KAZN: variants seen among roughly 807,000 people sequenced by gnomAD.
KAZN encodes kazrin, periplakin interacting protein.
In KAZN, 40 loss-of-function variants were observed where a neutral mutation model predicts 87.4. The ratio of observed to expected loss-of-function variants is 0.46; its 90% CI spans 0.36 to 0.60. The LOEUF is 0.60. Ranked by LOEUF, KAZN falls within the 20% of genes least tolerant of loss-of-function variation. The probability of loss-of-function intolerance (pLI) is 0.00; values close to 1 mark genes in which losing one functional copy is unlikely to be tolerated. For missense variants in KAZN, 898 were observed against 1,073.9 expected, an observed-to-expected ratio of 0.84 and a Z score of 2.29; for synonymous variants, 466 against 458.3, an observed-to-expected ratio of 1.02 and a Z score of -0.22.
At position 15,044,141 on chromosome 1, in the gene KAZN, G is replaced by A; in HGVS notation, c.708G>A (p.Leu236=). 3.1e-6 allele frequency: 5 copies of A among 1,608,154 alleles called. No homozygotes were observed. The highest frequency in any genetic ancestry group is 4.2e-6 in the Non-Finnish European group (5 of 1,177,150). ...LDLKDNRMKE[L]EAELAMAKQS... is the part of the protein sequence containing the mutation. ...TCAAGGACAACCGGATGAAGGAGCT[G>A]GAGGCCGAGCTGGCCATGGTGAGAA... The change falls in exon 4 of 15, where the codon CTG becomes CTA. Residue 236 remains leucine, a synonymous_variant. Coordinates refer to ENST00000376030, the MANE Select transcript of KAZN (RefSeq NM_201628.3).
At chr1:14,853,646 T>C (rs565874881) in intron 1 of KAZN, among the ~76,000 whole-genome samples, 63 of 152,256 alleles carry the variant, frequency 4.1e-4, no homozygotes, top group African/African-American at 1.5e-3. Flanking sequence ...GTGCCCTTAA[T>C]CTGGTGCATG....
At chr1:14,930,514 T>C (rs1488912474) in intron 1 of KAZN, among the ~76,000 whole-genome samples, 2 of 152,176 alleles carry the variant, frequency 1.3e-5, no homozygotes, top group East Asian at 3.8e-4. Context: ...GTCCCATTAG[T>C]GTGGAAGGAT....
chr1:13,978,761 CAT>C (rs1638506407), intron 1 of KAZN, among the ~76,000 whole-genome samples: 5 of 151,886 alleles, frequency 3.3e-5, no homozygotes. Flanking sequence ...AGAAGTCAAA[CAT>C]ATGTGTAGAT....
chr1:14,928,033 G>T (rs1310942935), intron 1 of KAZN, among the ~76,000 whole-genome samples: 1 of 152,006 alleles, frequency 6.6e-6, no homozygotes, highest in Admixed American at 6.5e-5. Context: ...TGGGGAAACT[G>T]GTCCTTAGAA....
intron 1 of KAZN, among the ~76,000 whole-genome samples, chr1:14,713,424 C>T (rs1176963553): frequency 6.6e-6 from 1 of 152,148 alleles, no homozygotes; most frequent in Non-Finnish European, 1.5e-5. Context: ...CTGTCATTTA[C>T]GGAGCTGGCA....
At chr1:15,006,192 A>G (rs1253108847) in intron 2 of KAZN, among the ~76,000 whole-genome samples, 1 of 152,254 alleles carries the variant, frequency 6.6e-6, no homozygotes, top group East Asian at 1.9e-4. Flanking sequence ...ACACTTTTGC[A>G]TCCAGTATCT....
chr1:14,339,054 G>C (rs74057185), intron 2 of KAZN, among the ~76,000 whole-genome samples: 2 of 152,094 alleles, frequency 1.3e-5, no homozygotes, highest in Non-Finnish European at 2.9e-5. Context: ...CATGATTTTC[G>C]TGGGGATTCA....
chr1:14,665,720 C>G (rs1292020490), intron 1 of KAZN, among the ~76,000 whole-genome samples: 1 of 151,984 alleles, frequency 6.6e-6, no homozygotes, highest in Non-Finnish European at 1.5e-5. Flanking sequence ...GCCCGGAGAC[C>G]ATTAGACACT....
chr1:15,061,235 TA>T (rs1383248908), intron 6 of KAZN: 1 of 152,226 alleles, frequency 6.6e-6, no homozygotes, highest in African/African-American at 2.4e-5. Context: ...GAATGAATAA[TA>T]AGCATGTACA....
At chr1:14,017,882 C>T (rs937350683) in intron 1 of KAZN, among the ~76,000 whole-genome samples, 2 of 152,174 alleles carry the variant, frequency 1.3e-5, no homozygotes, top group African/African-American at 4.8e-5. Flanking sequence ...CTGAGAGCCA[C>T]GTGTTGTTGC....
chr1:14,179,945 A>G (rs1262903354), intron 1 of KAZN, among the ~76,000 whole-genome samples: 1 of 152,206 alleles, frequency 6.6e-6, no homozygotes, highest in Non-Finnish European at 1.5e-5. Context: ...CACTGATTGG[A>G]AAACATGGCC....
intron 1 of KAZN, among the ~76,000 whole-genome samples, chr1:14,085,962 T>C (rs1643840995): frequency 6.6e-6 from 1 of 152,102 alleles, no homozygotes; most frequent in Non-Finnish European, 1.5e-5. Flanking sequence ...TACCCCATAG[T>C]GGTTTTGATT....
chr1:14,630,565 A>G (rs1409016718), intron 1 of KAZN, among the ~76,000 whole-genome samples: 3 of 152,204 alleles, frequency 2.0e-5, no homozygotes, highest in Non-Finnish European at 4.4e-5. Context: ...AGATTATAGT[A>G]ATGACCTCTC....
intron 1 of KAZN, among the ~76,000 whole-genome samples, chr1:14,788,153 T>G (rs1304532948): frequency 6.6e-6 from 1 of 152,188 alleles, no homozygotes; most frequent in African/African-American, 2.4e-5. Flanking sequence ...TCTGTGCACC[T>G]GCCTGGGTTG....
At chr1:14,506,575 A>G (rs952610585) in intron 2 of KAZN, among the ~76,000 whole-genome samples, 3 of 152,152 alleles carry the variant, frequency 2.0e-5, no homozygotes, top group Non-Finnish European at 2.9e-5. Context: ...AGTCCTTTCA[A>G]CTGCCAAAGT....
intron 2 of KAZN, among the ~76,000 whole-genome samples, chr1:14,424,546 C>T (rs753021678): frequency 3.9e-5 from 6 of 152,170 alleles, no homozygotes; most frequent in African/African-American, 7.2e-5. Flanking sequence ...GTCCACTGCA[C>T]GGCCATTCAC....
At chr1:14,905,948 C>T (rs1451617372) in intron 1 of KAZN, among the ~76,000 whole-genome samples, 2 of 150,766 alleles carry the variant, frequency 1.3e-5, no homozygotes, top group African/African-American at 4.9e-5. Context: ...GAGGGCGGAT[C>T]ACGAGGTCAG....
At chr1:13,962,260 G>A (rs1641781538) in intron 1 of KAZN, among the ~76,000 whole-genome samples, 1 of 152,124 alleles carries the variant, frequency 6.6e-6, no homozygotes, top group Non-Finnish European at 1.5e-5. Flanking sequence ...GGGGGGTCGG[G>A]GCGGAGCAGG....
chr1:14,367,523 G>C (rs542020101), intron 2 of KAZN, among the ~76,000 whole-genome samples: 1 of 152,246 alleles, frequency 6.6e-6, no homozygotes, highest in East Asian at 1.9e-4. Flanking sequence ...AGGAAAATAG[G>C]GGTGTAAGTT....
Sources: allele counts gnomAD v4.1 joint callset (sites outside exome capture counted in the v4.1 genomes callset), GRCh38; gene constraint gnomAD v4.1.1; transcripts MANE v1.5; gene names NCBI Gene and HGNC (gene_info 2026-07-23, HGNC 2026-07-21).